Variants in C10orf71 observed in about 807,000 individuals in gnomAD.
C10orf71 encodes cardiac-enriched FHL2-interacting protein.
For synonymous variants in C10orf71, 758 were observed against 726.3 expected (o/e 1.04, Z -0.70); for missense variants, 1,869 against 1,804.5 (o/e 1.04, Z -0.65).
intron 2 of C10orf71, among the ~76,000 whole-genome samples, chr10:49,320,324 A>C (rs569952261): frequency 1.3e-5 from 2 of 152,208 alleles, no homozygotes; most frequent in East Asian, 1.9e-4. Flanking sequence ...AATGCCAGGG[A>C]CACTGGCTCC....
rs1409239784 is a variant in C10orf71 at position 49,326,987 on chromosome 10, T to C, written c.*134T>C. 1 of 1,549,914 alleles carries C rather than the reference T, an allele frequency of 6.5e-7. No individual in the cohort carries two copies. Among genetic ancestry groups the C allele is most frequent in the Non-Finnish European group, 8.7e-7 (1 of 1,150,166 alleles). The stretch of plus-strand genomic sequence containing the variant: ...CGATCATCAACACATACTTAGCCTT[T>C]TTAGATCCATAAAGTCCAGAAGGCA... On this transcript the variant is annotated 3_prime_UTR_variant, in exon 3 of 3. Coordinates refer to ENST00000374144, the MANE Select transcript of C10orf71 (RefSeq NM_001135196.2).
rs762614121 is a variant in C10orf71, at chr10:49,324,798, C to T, written c.2253C>T (p.Asn751=). ...AGCAGAAGATGTGGTTTACTGAGAACCAGCGGGAAGACAGGAGGAAGGATG... is the reference window on the plus strand; with the variant it reads ...AGCAGAAGATGTGGTTTACTGAGAATCAGCGGGAAGACAGGAGGAAGGATG... ...DDQQKMWFTE[N]QREDRRKDVS... The change falls in exon 3 of 3, where the codon AAC becomes AAT. Residue 751 remains asparagine, a synonymous_variant. Transcript: ENST00000374144. The T allele has an allele frequency of 4.5e-6, 7 of 1,552,060 alleles. No homozygotes were observed. Among genetic ancestry groups the T allele is most frequent in the Non-Finnish European group, 6.1e-6 (7 of 1,147,152 alleles).
Position 49,326,830 on chromosome 10 carries a change from T to A in C10orf71, c.4285T>A (p.Phe1429Ile). The change falls in exon 3 of 3, where the codon TTT becomes ATT. Residue 1429 changes from phenylalanine to isoleucine, a missense_variant. Physicochemically the swap from Phe to Ile is conservative, Grantham distance 21. Transcript: ENST00000374144. ...GIISTDDLED[F>I]ATEGIS ...CATCTCCACTGATGACCTAGAGGACTTTGCCACAGAAGGCATTTCTTGAGT... is the reference window on the plus strand; with the variant it reads ...CATCTCCACTGATGACCTAGAGGACATTGCCACAGAAGGCATTTCTTGAGT... 1 of 1,543,554 alleles carries A rather than the reference T, an allele frequency of 6.5e-7. No individual in the cohort carries two copies. The highest frequency in any genetic ancestry group is 2.5e-5 in the East Asian group (1 of 40,770).
Position 49,326,180 on chromosome 10 carries a change from A to T in C10orf71, c.3635A>T (p.Glu1212Val). The T allele has an allele frequency of 1.3e-6, 2 of 1,551,562 alleles. No homozygotes were observed. Among genetic ancestry groups the T allele is most frequent in the Non-Finnish European group, 1.7e-6 (2 of 1,146,972 alleles). The change falls in exon 3 of 3, where the codon GAG (glutamate) becomes GTG (valine). Residue 1212 changes from glutamate to valine, a missense_variant. Physicochemically the swap from Glu to Val is moderately radical, Grantham distance 121 (BLOSUM62 -2). Transcript: ENST00000374144. ...TCACAGGAGGGAAAGCCCTGCCCGG[A>T]GGACTTGGAGCAGACACAGCAAAGG... Reference protein sequence around the residue: ...GESQEGKPCPEDLEQTQQRPL... With the variant: ...GESQEGKPCPVDLEQTQQRPL...
At chr10:49,316,899 A>T (rs982444537) in intron 2 of C10orf71, among the ~76,000 whole-genome samples, 2 of 152,200 alleles carry the variant, frequency 1.3e-5, no homozygotes, top group East Asian at 3.8e-4. Context: ...CAAGGTATCA[A>T]GTGCTTTTTC....
At chr10:49,306,088 T>G (rs1482974459) in intron 1 of C10orf71, among the ~76,000 whole-genome samples, 1 of 152,212 alleles carries the variant, frequency 6.6e-6, no homozygotes, top group African/African-American at 2.4e-5. Context: ...AGGATGTGTA[T>G]GCCATTCACT....
upstream of C10orf71, among the ~76,000 whole-genome samples, chr10:49,298,135 A>C (rs1409030818): frequency 1.3e-5 from 2 of 152,228 alleles, no homozygotes; most frequent in Non-Finnish European, 2.9e-5. Context: ...GCCAGGCCCC[A>C]GCTTGGGGCT....
At chr10:49,320,681 C>G (rs1377895675) in intron 2 of C10orf71, among the ~76,000 whole-genome samples, 5 of 152,176 alleles carry the variant, frequency 3.3e-5, no homozygotes, top group Non-Finnish European at 7.3e-5. Flanking sequence ...CTGTATGGGT[C>G]TGATTCTGCA....
At chr10:49,320,247 G>T (rs1208949202) in intron 2 of C10orf71, among the ~76,000 whole-genome samples, 1 of 152,190 alleles carries the variant, frequency 6.6e-6, no homozygotes, top group African/African-American at 2.4e-5. Flanking sequence ...CCCAGTCAGA[G>T]ACTGGGGGAG....
intron 2 of C10orf71, among the ~76,000 whole-genome samples, chr10:49,321,563 A>G (rs1365402805): frequency 6.6e-6 from 1 of 152,146 alleles, no homozygotes; most frequent in Non-Finnish European, 1.5e-5. Context: ...TTGGGCCTGT[A>G]CCCAGATATG....
In C10orf71 at chr10:49,322,686, C is replaced by T. The variant is rs769882503; in HGVS notation, c.141C>T (p.Ser47=). Reference sequence around the variant, plus strand: ...GTTTGTGCATCTCCGAGGACACATCCTTCCATGACTCCTATCTGGCTGTGT... The same window carrying T: ...GTTTGTGCATCTCCGAGGACACATCTTTCCATGACTCCTATCTGGCTGTGT... ...FRSLCISEDT[S]FHDSYLAVSP... is the part of the protein sequence containing the mutation. The change falls in exon 3 of 3, where the codon TCC becomes TCT. Residue 47 remains serine (S), a synonymous_variant. Coordinates refer to ENST00000374144, the MANE Select transcript of C10orf71 (RefSeq NM_001135196.2). The T allele has an allele frequency of 6.2e-7, 1 of 1,613,920 alleles. No homozygotes were observed. The highest frequency in any genetic ancestry group is 2.2e-5 in the East Asian group (1 of 44,872).
chr10:49,306,700 C>T (rs992502654), intron 1 of C10orf71, among the ~76,000 whole-genome samples: 8 of 152,224 alleles, frequency 5.3e-5, no homozygotes, highest in African/African-American at 1.9e-4. Flanking sequence ...AGGTGCATGG[C>T]ATGGGGTCCA....
rs762244440 is a variant in C10orf71, at chr10:49,325,165, C to A, written c.2620C>A (p.Pro874Thr). 1.3e-6 allele frequency: 2 copies of A among 1,552,106 alleles called. No homozygotes were observed. The highest frequency in any genetic ancestry group is 8.7e-7 in the Non-Finnish European group (1 of 1,147,078). The change falls in exon 3 of 3, where the codon CCT becomes ACT. Residue 874 changes from proline to threonine, a missense_variant. Coordinates refer to ENST00000374144, the MANE Select transcript of C10orf71 (RefSeq NM_001135196.2). ...ATPVIKPIML[P>T]LLRTMSLEDS... ...CCCCGTAATTAAACCTATCATGCTG[C>A]CTCTCCTGAGGACCATGTCCTTGGA...
intron 1 of C10orf71, among the ~76,000 whole-genome samples, chr10:49,311,615 G>T (rs898397463): frequency 6.6e-6 from 1 of 152,242 alleles, no homozygotes; most frequent in African/African-American, 2.4e-5. Context: ...TAGATTCACC[G>T]CAGTGCAGGA....
intron 1 of C10orf71, among the ~76,000 whole-genome samples, chr10:49,315,788 G>A (rs1047898255): frequency 3.9e-5 from 6 of 152,324 alleles, no homozygotes; most frequent in African/African-American, 1.4e-4. Context: ...AGGCATGACG[G>A]TTCACCCCTG....
At chr10:49,308,718 C>T (rs541447296) in intron 1 of C10orf71, among the ~76,000 whole-genome samples, 4 of 152,180 alleles carry the variant, frequency 2.6e-5, no homozygotes, top group African/African-American at 4.8e-5. Flanking sequence ...AAACTGGTGA[C>T]GTGAAGCAGG....
intron 1 of C10orf71, among the ~76,000 whole-genome samples, chr10:49,311,104 A>T (rs1009097712): frequency 2.0e-5 from 3 of 151,090 alleles, no homozygotes; most frequent in South Asian, 2.1e-4. Flanking sequence ...CAGCTGTGAG[A>T]CATGGAATAT....
rs1554861501 is a variant in C10orf71, at chr10:49,326,956, C to CACACAT, written c.*108_*109insTACACA. On this transcript the variant is annotated 3_prime_UTR_variant, in exon 3 of 3. Transcript: ENST00000374144. Reference sequence around the variant, plus strand: ...ACACACACACACACACACACACACACACACACGATCATCAACACATACTTA... The same window carrying CACACAT: ...ACACACACACACACACACACACACACACACATACACACGATCATCAACACATACTTA... 403 of 1,587,230 alleles carry CACACAT rather than the reference C, an allele frequency of 2.5e-4. 3 individuals are homozygous for CACACAT. In the African/African-American group the frequency reaches 4.6e-3, roughly 18 times the overall value.
At position 49,327,180 on chromosome 10, in the gene C10orf71, T is replaced by C. The variant is rs963021073; in HGVS notation, c.*327T>C. 1.8e-5 allele frequency: 12 copies of C among 651,402 alleles called. No individual in the cohort carries two copies. In the African/African-American group the frequency reaches 1.9e-4, roughly 10 times the overall value. 40.4% of individuals were successfully genotyped at this position (651,402 alleles called of 1,614,324 possible). ...TCTCCTGGCCCACCCTGCTCTTCCCTCGCCCTGCAAATTAGGTGGGTGTGG... is the reference window on the plus strand; with the variant it reads ...TCTCCTGGCCCACCCTGCTCTTCCCCCGCCCTGCAAATTAGGTGGGTGTGG... On this transcript the variant is annotated 3_prime_UTR_variant, in exon 3 of 3. Coordinates refer to ENST00000374144, the MANE Select transcript of C10orf71 (RefSeq NM_001135196.2).
Sources: allele counts gnomAD v4.1 joint callset (sites outside exome capture counted in the v4.1 genomes callset), GRCh38; gene constraint gnomAD v4.1.1; transcripts MANE v1.5; gene names NCBI Gene and HGNC (gene_info 2026-07-23, HGNC 2026-07-21).